Variants in SLC35F3 observed in about 807,000 individuals in gnomAD.
SLC35F3 encodes solute carrier family 35 member F3.
A neutral mutation model predicts 49.9 loss-of-function variants in SLC35F3; 25 were observed. The observed-to-expected ratio is 0.50, with a 90% CI of 0.37 to 0.70. SLC35F3 has a LOEUF of 0.70. Ranked by LOEUF, SLC35F3 falls within the 30% of genes least tolerant of loss-of-function variation. SLC35F3 has a pLI of 0.00. For missense variants in SLC35F3, 525 were observed against 639.8 expected (o/e 0.82, Z 1.94); for synonymous variants, 275 against 265.4 (o/e 1.04, Z -0.35).
chr1:234,294,904 G>T (rs12043400), intron 3 of SLC35F3, among the ~76,000 whole-genome samples: 2 of 151,926 alleles, frequency 1.3e-5, no homozygotes, highest in South Asian at 4.2e-4. Flanking sequence ...AGGGTGCCTG[G>T]GGGGGGAACC....
chr1:234,114,770 A>T (rs990535962), intron 2 of SLC35F3, among the ~76,000 whole-genome samples: 1 of 152,226 alleles, frequency 6.6e-6, no homozygotes, highest in African/African-American at 2.4e-5. Context: ...TTCATTGTGC[A>T]GACACAAGAT....
intron 2 of SLC35F3, among the ~76,000 whole-genome samples, chr1:234,053,912 G>T (rs1440040098): frequency 6.6e-6 from 1 of 152,096 alleles, no homozygotes; most frequent in Non-Finnish European, 1.5e-5. Context: ...GCTTAGTTTG[G>T]CTTGATATGA....
chr1:234,013,224 C>T lies in SLC35F3; in HGVS notation c.283+107466C>T, dbSNP rs550390170. On this transcript the variant is annotated intron_variant, in intron 2 of 7. Coordinates refer to ENST00000366618, the MANE Select transcript of SLC35F3 (RefSeq NM_173508.4). ...AGGAGTAAAAATTAAACAACATGCT[C>T]GTGAACAACCAATGAGTCAAAGAAG... Among the ~76,000 whole-genome samples the T allele has an allele frequency of 1.2e-4, 19 of 152,076 alleles. No individual in the cohort carries two copies. The South Asian group carries it at 1.5e-3, about 12-fold the overall frequency.
At chr1:234,103,206 A>G (rs1442891060) in intron 2 of SLC35F3, among the ~76,000 whole-genome samples, 3 of 152,352 alleles carry the variant, frequency 2.0e-5, no homozygotes, top group Non-Finnish European at 2.9e-5. Flanking sequence ...CTGCCTGGCT[A>G]TGAAAAGGTG....
rs576521518 is a variant in SLC35F3 at position 234,088,459 on chromosome 1, C to T, written c.284-142958C>T. 2.0e-3 allele frequency among the ~76,000 whole-genome samples: 307 copies of T among 152,288 alleles called. 3 individuals are homozygous for T. The highest frequency in any genetic ancestry group is 7.0e-3 in the African/African-American group (291 of 41,572). ...CTGACCTCAGGTGATCCACCCACCT[C>T]GGCCTCCCAAAGTGCTGGGATTACA... is the stretch of plus-strand genomic sequence containing the variant. On this transcript the variant is annotated intron_variant, in intron 2 of 7. Coordinates refer to ENST00000366618, the MANE Select transcript of SLC35F3 (RefSeq NM_173508.4).
intron 3 of SLC35F3, among the ~76,000 whole-genome samples, chr1:234,232,543 AAAAG>A (rs1332199896): frequency 3.5e-4 from 52 of 150,600 alleles, no homozygotes; most frequent in African/African-American, 1.2e-3. Flanking sequence ...AAAAAAAAGA[AAAAG>A]AAAAAAAGAA....
intron 2 of SLC35F3, among the ~76,000 whole-genome samples, chr1:234,012,347 G>A (rs959367207): frequency 2.0e-5 from 3 of 152,198 alleles, no homozygotes; most frequent in Non-Finnish European, 4.4e-5. Flanking sequence ...TCAACTGCAA[G>A]AGGCTTTCCT....
At chr1:234,042,679 C>T (rs754682737) in intron 2 of SLC35F3, among the ~76,000 whole-genome samples, 2 of 152,186 alleles carry the variant, frequency 1.3e-5, no homozygotes, top group Non-Finnish European at 2.9e-5. Flanking sequence ...AACATCCTGA[C>T]ACAATTATTT....
chr1:233,913,004 A>G (rs139334621), intron 2 of SLC35F3, among the ~76,000 whole-genome samples: 107 of 152,346 alleles, frequency 7.0e-4, no homozygotes, highest in Non-Finnish European at 1.3e-3. Context: ...TAGTGATGGC[A>G]GACACAGTCC....
chr1:233,993,399 G>A (rs149067143), intron 2 of SLC35F3, among the ~76,000 whole-genome samples: 4 of 152,292 alleles, frequency 2.6e-5, no homozygotes, highest in Non-Finnish European at 4.4e-5. Context: ...CCTTAACCTC[G>A]TGAGAAACTT....
rs576917683 is a variant in SLC35F3, at chr1:234,231,399, C to A, written c.284-18C>A. On this transcript the variant is annotated intron_variant, in intron 2 of 7. Transcript: ENST00000366618. The surrounding 1 kb of genome is among the most constrained non-coding windows in gnomAD (Gnocchi z 5.4). Reference sequence around the variant, plus strand: ...GAAGGTCTGCAGGCCCCGCTAACCACGCCCTTCTCTTCCCCAGGGGAGGAG... The same window carrying A: ...GAAGGTCTGCAGGCCCCGCTAACCAAGCCCTTCTCTTCCCCAGGGGAGGAG... 4 of 1,500,890 alleles carry A rather than the reference C, an allele frequency of 2.7e-6. No individual in the cohort carries two copies. The highest frequency in any genetic ancestry group is 3.5e-6 in the Non-Finnish European group (4 of 1,127,316). The allele number at this position is 1,500,890 out of a possible 1,614,324, so 93.0% of individuals were successfully genotyped here.
At chr1:233,918,326 G>A (rs1295940729) in intron 2 of SLC35F3, among the ~76,000 whole-genome samples, 1 of 152,220 alleles carries the variant, frequency 6.6e-6, no homozygotes, top group African/African-American at 2.4e-5. Flanking sequence ...TAAGATGGCT[G>A]TGTGTGATAA....
rs537139095 is a variant in SLC35F3, at chr1:234,034,510, T to TATTC, written c.283+128768_283+128771dup. On this transcript the variant is annotated intron_variant, in intron 2 of 7. Coordinates refer to ENST00000366618, the MANE Select transcript of SLC35F3 (RefSeq NM_173508.4). ...TAGACGGCTTTTGTTTTTATTTATT[T>TATTC]ATTCATTCATTCATTCATTTATTTT... is the stretch of plus-strand genomic sequence containing the variant. 2.6e-5 allele frequency among the ~76,000 whole-genome samples: 4 copies of TATTC among 152,328 alleles called. No individual in the cohort carries two copies. The South Asian group carries it at 6.2e-4, about 24-fold the overall frequency.
Position 234,201,991 on chromosome 1 carries a change from A to G in SLC35F3, c.284-29426A>G, listed in dbSNP as rs560864936. ...AGACATGGAATCAACCTAAATGCCC[A>G]TCAATGCTAGACTGAATAAAGAAAA... is the stretch of plus-strand genomic sequence containing the variant. On this transcript the variant is annotated intron_variant, in intron 2 of 7. Transcript: ENST00000366618. 5.3e-5 allele frequency among the ~76,000 whole-genome samples: 8 copies of G among 152,140 alleles called. No individual in the cohort carries two copies. In the East Asian group the frequency reaches 1.5e-3, roughly 29 times the overall value.
intron 2 of SLC35F3, among the ~76,000 whole-genome samples, chr1:234,018,870 CTAATA>C (rs2102841704): frequency 6.6e-6 from 1 of 152,296 alleles, no homozygotes; most frequent in African/African-American, 2.4e-5. Flanking sequence ...TTCTTTCGCT[CTAATA>C]TAATTTTTTG....
At chr1:234,263,198 G>C (rs1667931665) in intron 3 of SLC35F3, among the ~76,000 whole-genome samples, 1 of 152,160 alleles carries the variant, frequency 6.6e-6, no homozygotes, top group South Asian at 2.1e-4. Context: ...ACTAACAGAA[G>C]CATGATGAGA....
intron 2 of SLC35F3, among the ~76,000 whole-genome samples, chr1:233,916,900 A>G (rs575187479): frequency 2.0e-4 from 31 of 152,356 alleles, no homozygotes; most frequent in Non-Finnish European, 3.2e-4. Context: ...GGTTGGAAGC[A>G]GATGAAACAA....
chr1:233,944,991 C>T (rs1465108402), intron 2 of SLC35F3, among the ~76,000 whole-genome samples: 1 of 151,942 alleles, frequency 6.6e-6, no homozygotes, highest in African/African-American at 2.4e-5. Flanking sequence ...TTTTGTTTTG[C>T]ACTTGGATGA....
Position 234,324,326 on chromosome 1 carries a change from G to A in SLC35F3, c.*1083G>A, listed in dbSNP as rs1657703575. ...GTTTACTATTTTTGAAGTTTACATT[G>A]TTACATATGAAATGGAAACATTATT... is the stretch of plus-strand genomic sequence containing the variant. On this transcript the variant is annotated 3_prime_UTR_variant, in exon 8 of 8. Transcript: ENST00000366618. 6.6e-6 allele frequency: 1 copy of A among 152,262 alleles called. No individual in the cohort carries two copies. The highest frequency in any genetic ancestry group is 2.4e-5 in the African/African-American group (1 of 41,554). 9.4% of individuals were successfully genotyped at this position (152,262 alleles called of 1,614,324 possible).
Sources: gnomAD v4.1 joint callset for allele counts (sites outside exome capture counted in the v4.1 genomes callset) on GRCh38, gnomAD v4.1.1 for gene constraint, Gnocchi (gnomAD v3.1) non-coding constraint, MANE v1.5 for transcripts, NCBI Gene and HGNC (gene_info 2026-07-23, HGNC 2026-07-21) for gene names.